CCDC102B: variants seen among roughly 807,000 people sequenced by gnomAD.
CCDC102B encodes the protein coiled-coil domain containing 102B.
CCDC102B carries 75 observed loss-of-function variants against 57.4 expected under a neutral mutation model. The observed-to-expected ratio is 1.31, with a 90% CI of 1.08 to 1.58. The LOEUF (loss-of-function observed/expected upper bound fraction) is 1.58, where lower values mean the gene tolerates loss of function less well. Ranked by LOEUF, CCDC102B falls within the 40% of genes most tolerant of loss-of-function variation. The pLI is 0.00. For synonymous variants in CCDC102B, 206 were observed against 201.9 expected, an observed-to-expected ratio of 1.02 and a Z score of -0.17; for missense variants, 636 against 582.6, an observed-to-expected ratio of 1.09 and a Z score of -0.94.
At chr18:68,981,125 A>C (rs969229544) in intron 6 of CCDC102B, among the ~76,000 whole-genome samples, 12 of 152,070 alleles carry the variant, frequency 7.9e-5, no homozygotes, top group Non-Finnish European at 2.9e-5. Context: ...TACAATATGC[A>C]TGTTTTAATT....
At chr18:68,966,113 A>C (rs2145244165) in intron 6 of CCDC102B, among the ~76,000 whole-genome samples, 1 of 152,262 alleles carries the variant, frequency 6.6e-6, no homozygotes. Context: ...ATTCGCCCAT[A>C]GCTCTCAAAT....
At chr18:68,886,285 G>A (rs967859486) in intron 5 of CCDC102B, among the ~76,000 whole-genome samples, 12 of 151,798 alleles carry the variant, frequency 7.9e-5, no homozygotes, top group African/African-American at 2.9e-4. Context: ...CATATATTTT[G>A]TTCAGCCATG....
intron 6 of CCDC102B, among the ~76,000 whole-genome samples, chr18:68,992,299 C>T (rs1315829132): frequency 6.6e-6 from 1 of 152,094 alleles, no homozygotes; most frequent in Non-Finnish European, 1.5e-5. Context: ...CAGCCACCAT[C>T]TTTATGCCAA....
At chr18:69,024,978 A>C (rs2051944632) in intron 7 of CCDC102B, among the ~76,000 whole-genome samples, 1 of 152,128 alleles carries the variant, frequency 6.6e-6, no homozygotes, top group South Asian at 2.1e-4. Flanking sequence ...CAGATCAAAT[A>C]GTCATGGAAA....
chr18:68,858,767 C>T (rs1024640822), intron 4 of CCDC102B, among the ~76,000 whole-genome samples: 3 of 152,006 alleles, frequency 2.0e-5, no homozygotes, highest in Non-Finnish European at 2.9e-5. Flanking sequence ...GAAATAGGAT[C>T]ACTATCTTTT....
chr18:68,895,416 A>G (rs748710790), intron 5 of CCDC102B, among the ~76,000 whole-genome samples: 26 of 151,932 alleles, frequency 1.7e-4, no homozygotes, highest in Non-Finnish European at 3.1e-4. Flanking sequence ...TTATGATACT[A>G]TAAAGGATAT....
chr18:68,905,589 TGTCTAGCC>T, intron 6 of CCDC102B, among the ~76,000 whole-genome samples: 2 of 2,564 alleles, frequency 7.8e-4, no homozygotes, highest in African/African-American at 4.0e-3. Context: ...GGGACCGCCC[TGTCTAGCC>T]CTGTCTATTT....
intron 4 of CCDC102B, among the ~76,000 whole-genome samples, chr18:68,867,237 G>T (rs970015446): frequency 6.6e-6 from 1 of 152,288 alleles, no homozygotes; most frequent in Non-Finnish European, 1.5e-5. Context: ...TGATCCGCCC[G>T]TCTCGGCCTC....
At chr18:68,795,629 C>T (rs543928729), upstream of CCDC102B, among the ~76,000 whole-genome samples, 29 of 152,112 alleles carry the variant, frequency 1.9e-4, no homozygotes, top group Non-Finnish European at 2.8e-4. Flanking sequence ...CTCCCCTGTG[C>T]GTTTTGTCTA....
At chr18:68,978,455 A>G (rs1008474455) in intron 6 of CCDC102B, among the ~76,000 whole-genome samples, 64 of 152,168 alleles carry the variant, frequency 4.2e-4, no homozygotes, top group African/African-American at 1.4e-3. Context: ...AAGAATGGAG[A>G]ATAAAAGTAG....
chr18:68,878,694 C>T (rs919776073), intron 5 of CCDC102B, among the ~76,000 whole-genome samples: 2 of 152,152 alleles, frequency 1.3e-5, no homozygotes, highest in African/African-American at 2.4e-5. Context: ...GGATTCCAGG[C>T]TCCAGAACTG....
intron 2 of CCDC102B, among the ~76,000 whole-genome samples, chr18:68,774,345 A>T (rs1042715182): frequency 2.0e-5 from 3 of 151,714 alleles, no homozygotes; most frequent in Non-Finnish European, 4.4e-5. Flanking sequence ...TGCAGAATGG[A>T]GTCACATTGA....
At chr18:69,045,975 C>T (rs1266793859) in intron 7 of CCDC102B, among the ~76,000 whole-genome samples, 7 of 152,000 alleles carry the variant, frequency 4.6e-5, no homozygotes, top group East Asian at 1.9e-4. Flanking sequence ...CCATGGTGTA[C>T]GTGTACCACA....
In CCDC102B at chr18:68,751,357, A is replaced by T. The variant is rs187901004; in HGVS notation, c.-67+34763A>T. Among the ~76,000 whole-genome samples the T allele has an allele frequency of 9.2e-5, 14 of 152,240 alleles. No individual in the cohort carries two copies. In the East Asian group the frequency reaches 2.7e-3, roughly 29 times the overall value. On this transcript the variant is annotated intron_variant, in intron 2 of 3. Coordinates refer to the CCDC102B transcript ENST00000578970. ...TTCATGGCCAGCAGCACCATAACTC[A>T]TGCCTGAATGAAGCTTATTTAACAC...
rs146389021 is a variant in CCDC102B, at chr18:68,725,884, G to C, written c.-67+9290G>C. Among the ~76,000 whole-genome samples, 55 of 152,344 alleles carry C rather than the reference G, an allele frequency of 3.6e-4. 1 individual carries two copies. The East Asian group carries it at 8.5e-3, about 24-fold the overall frequency. On this transcript the variant is annotated intron_variant, in intron 2 of 3. Coordinates refer to the CCDC102B transcript ENST00000578970. ...GCAATAATGGATGAAGAAGGGTGAT[G>C]TGAAGGACTGGGCCTCTTGACCAAA...
intron 6 of CCDC102B, among the ~76,000 whole-genome samples, chr18:68,963,117 A>G (rs2050084433): frequency 6.6e-6 from 1 of 151,986 alleles, no homozygotes; most frequent in Non-Finnish European, 1.5e-5. Context: ...GATAAAATTG[A>G]GATTTATTGT....
At chr18:68,775,014 C>T in intron 2 of CCDC102B, among the ~76,000 whole-genome samples, 1 of 150,042 alleles carries the variant, frequency 6.7e-6, no homozygotes, top group African/African-American at 2.4e-5. Flanking sequence ...CATGTGTTGC[C>T]TTTCTTCTTT....
intron 6 of CCDC102B, among the ~76,000 whole-genome samples, chr18:68,983,630 T>G (rs1313525563): frequency 6.6e-6 from 1 of 151,920 alleles, no homozygotes; most frequent in Non-Finnish European, 1.5e-5. Context: ...CTGAAAAGTT[T>G]GAAAAAAAAT....
chr18:68,778,685 T>G (rs2034903620), intron 2 of CCDC102B, among the ~76,000 whole-genome samples: 1 of 152,092 alleles, frequency 6.6e-6, no homozygotes. Flanking sequence ...ATATGCTTAT[T>G]CAAAGAGCAT....
Sources: gnomAD v4.1 joint callset for allele counts (sites outside exome capture counted in the v4.1 genomes callset) on GRCh38, gnomAD v4.1.1 for gene constraint, MANE v1.5 for transcripts, NCBI Gene and HGNC (gene_info 2026-07-23, HGNC 2026-07-21) for gene names.